DAB1: variants seen among roughly 807,000 people sequenced by gnomAD.
DAB1 encodes the protein DAB adaptor protein 1, also known as disabled homolog 1.
Under a neutral mutation model 64.6 loss-of-function variants are expected in DAB1, and 15 were observed. The observed-to-expected ratio is 0.23, with a 90% CI of 0.16 to 0.36. DAB1 has a LOEUF of 0.36. Ranked by LOEUF, DAB1 falls within the 10% of genes least tolerant of loss-of-function variation. The pLI, the probability that DAB1 is intolerant of heterozygous loss-of-function variation, is 1.00. For missense variants in DAB1, 596 were observed against 706.7 expected (o/e 0.84, Z 1.78); for synonymous variants, 235 against 251.9 (o/e 0.93, Z 0.64).
intron 3 of DAB1, among the ~76,000 whole-genome samples, chr1:58,379,063 G>A (rs61779017): frequency 9.0e-5 from 13 of 144,186 alleles, no homozygotes; most frequent in South Asian, 2.2e-4. Flanking sequence ...GCACCCACTG[G>A]CCTGCGCCCA....
intron 9 of DAB1, among the ~76,000 whole-genome samples, chr1:57,035,655 TCA>T (rs1329001342): frequency 6.6e-6 from 1 of 152,088 alleles, no homozygotes; most frequent in Non-Finnish European, 1.5e-5. Flanking sequence ...TCAATTAACC[TCA>T]GTTTTCTCAT....
chr1:58,309,363 A>T (rs1226150990), intron 4 of DAB1, among the ~76,000 whole-genome samples: 2 of 152,150 alleles, frequency 1.3e-5, no homozygotes, highest in Non-Finnish European at 2.9e-5. Flanking sequence ...TTAATAGAGC[A>T]ACTCTTCTCA....
At chr1:57,069,610 G>C (rs1020254262) in intron 7 of DAB1, among the ~76,000 whole-genome samples, 185 bp from the exon 8 acceptor site, 3 of 152,158 alleles carry the variant, frequency 2.0e-5, no homozygotes, top group Non-Finnish European at 4.4e-5. Context: ...CCTTTCATAA[G>C]GAAAACTGCA....
chr1:57,098,986 G>A (rs1386308478), intron 4 of DAB1, among the ~76,000 whole-genome samples: 2 of 152,174 alleles, frequency 1.3e-5, no homozygotes, highest in Admixed American at 1.3e-4. Context: ...CATGGACTGG[G>A]ACAATTCGTT....
intron 5 of DAB1, among the ~76,000 whole-genome samples, chr1:58,001,032 C>T (rs1187989): frequency 0.6 from 91,680 of 151,632 alleles, 28,372 homozygotes; most frequent in East Asian, 0.93. Context: ...TTCCATTTTA[C>T]TTTTCTTCAC....
chr1:57,345,825 C>T (rs1432442598), intron 1 of DAB1, among the ~76,000 whole-genome samples: 1 of 152,180 alleles, frequency 6.6e-6, no homozygotes, highest in African/African-American at 2.4e-5. Flanking sequence ...ATGCAAGAAA[C>T]TCCAGATTGC....
At chr1:57,174,113 T>C (rs1662058213) in intron 2 of DAB1, among the ~76,000 whole-genome samples, 1 of 152,176 alleles carries the variant, frequency 6.6e-6, no homozygotes, top group African/African-American at 2.4e-5. Flanking sequence ...AGGAAATTCC[T>C]AGAGTGGGAG....
At chr1:57,294,306 G>A (rs1390696150) in intron 1 of DAB1, among the ~76,000 whole-genome samples, 1 of 152,084 alleles carries the variant, frequency 6.6e-6, no homozygotes, top group Non-Finnish European at 1.5e-5. Context: ...AGTGTGTCAG[G>A]TTTTTTATAA....
At chr1:57,941,445 C>T (rs1016364407) in intron 5 of DAB1, among the ~76,000 whole-genome samples, 18 of 152,268 alleles carry the variant, frequency 1.2e-4, no homozygotes, top group African/African-American at 4.3e-4. Flanking sequence ...TCTCCAACAG[C>T]TGTTATAAGG....
chr1:58,352,080 T>A (rs1245370763), intron 3 of DAB1, among the ~76,000 whole-genome samples: 2 of 151,812 alleles, frequency 1.3e-5, no homozygotes, highest in Non-Finnish European at 2.9e-5. Context: ...TCCATCAGCT[T>A]GAAGGCCTGC....
intron 7 of DAB1, 68 bp downstream of exon 7, chr1:57,070,955 G>C (rs1039425957): frequency 2.2e-6 from 3 of 1,386,280 alleles, no homozygotes; most frequent in Non-Finnish European, 3.1e-6. Flanking sequence ...TCAGGTTTCT[G>C]ACAAAATGGC....
At chr1:58,279,948 T>A (rs1235820684) in intron 4 of DAB1, among the ~76,000 whole-genome samples, 1 of 152,104 alleles carries the variant, frequency 6.6e-6, no homozygotes, top group African/African-American at 2.4e-5. Flanking sequence ...TTGGACTCTG[T>A]CATGCATTTA....
intron 2 of DAB1, among the ~76,000 whole-genome samples, chr1:57,274,308 G>T (rs1570129225): frequency 2.0e-5 from 3 of 152,186 alleles, no homozygotes; most frequent in Admixed American, 1.3e-4. Context: ...ATAGAGGCTA[G>T]TGTGGTAGAC....
intron 6 of DAB1, among the ~76,000 whole-genome samples, chr1:57,710,965 A>G (rs1647021627): frequency 6.6e-6 from 1 of 152,188 alleles, no homozygotes; most frequent in Non-Finnish European, 1.5e-5. Flanking sequence ...CCAGTTGGAG[A>G]CACTGGTTGT....
chr1:57,016,046 CCTT>C lies in DAB1; in HGVS notation c.896-618_896-616del, dbSNP rs1011922837. Among the ~76,000 whole-genome samples the C allele has an allele frequency of 7.2e-5, 11 of 152,270 alleles. No homozygotes were observed. In the East Asian group the frequency reaches 1.7e-3, roughly 24 times the overall value. Reference sequence around the variant, plus strand: ...TTTATTTGTAAAATGGGTATAAACACCTTCTATCTCACTGGGTTGATTTGAAGA... The same window carrying C: ...TTTATTTGTAAAATGGGTATAAACACCTATCTCACTGGGTTGATTTGAAGA... On this transcript the variant is annotated intron_variant, in intron 11 of 14. Coordinates refer to ENST00000371236, the MANE Select transcript of DAB1 (RefSeq NM_001365792.1).
intron 7 of DAB1, among the ~76,000 whole-genome samples, chr1:57,529,756 A>G (rs974100551): frequency 3.3e-5 from 5 of 152,098 alleles, no homozygotes; most frequent in African/African-American, 1.2e-4. Flanking sequence ...CCCTTGCAAA[A>G]CCCAACCACC....
intron 6 of DAB1, among the ~76,000 whole-genome samples, chr1:57,735,254 T>C (rs1356677723): frequency 6.6e-6 from 1 of 152,222 alleles, no homozygotes; most frequent in Non-Finnish European, 1.5e-5. Context: ...CTACTGGTTC[T>C]GCTACTGATT....
intron 2 of DAB1, among the ~76,000 whole-genome samples, chr1:57,157,769 G>T (rs1242068545): frequency 6.6e-6 from 1 of 152,152 alleles, no homozygotes; most frequent in Non-Finnish European, 1.5e-5. Context: ...ACAAACATAC[G>T]ATCCATAATG....
chr1:57,086,330 T>G (rs1417567453), intron 4 of DAB1, among the ~76,000 whole-genome samples: 1 of 152,070 alleles, frequency 6.6e-6, no homozygotes, highest in Non-Finnish European at 1.5e-5. Context: ...TGCCAAGGGA[T>G]GCTCAGCTGA....
Sources: allele counts gnomAD v4.1 joint callset (sites outside exome capture counted in the v4.1 genomes callset), GRCh38; gene constraint gnomAD v4.1.1; transcripts MANE v1.5; gene names NCBI Gene and HGNC (gene_info 2026-07-23, HGNC 2026-07-21).